The following STX4 variants were observed in gnomAD, a reference collection of about 807,000 sequenced individuals.
The protein encoded by STX4 is syntaxin 4, also known as syntaxin-4.
Under a neutral mutation model 41.8 loss-of-function variants are expected in STX4, and 24 were observed. The ratio of observed to expected loss-of-function variants is 0.57; its 90% confidence interval spans 0.42 to 0.81. STX4 has a LOEUF of 0.81. Among genes scored for constraint, STX4 ranks in the 30% least tolerant of loss-of-function variants. The pLI is 0.00. For missense variants in STX4, 316 were observed against 389.9 expected (o/e 0.81, Z 1.60); for synonymous variants, 158 against 156.4 (o/e 1.01, Z -0.08).
chr16:31,035,097 G>C, intron 5 of STX4, 57 bp downstream of exon 5: 1 of 1,450,918 alleles, frequency 6.9e-7, no homozygotes, highest in Admixed American at 1.9e-5. Flanking sequence ...TGAAGTATTA[G>C]ATGACAGGTG....
In STX4 at chr16:31,034,318, C is replaced by T. The variant is rs752457722; in HGVS notation, c.225C>T (p.Pro75=). The T allele has an allele frequency of 6.2e-7, 1 of 1,614,138 alleles. No homozygotes were observed. The highest frequency in any genetic ancestry group is 8.5e-7 in the Non-Finnish European group (1 of 1,180,022). The part of the protein sequence containing the change: ...QQVTILATPL[P]EESMKQELQN... ...TCACCATCCTGGCCACGCCCCTTCC[C>T]GAGGAGAGTGAGTGAAACCCCGGCT... The change falls in exon 3 of 11, where the codon CCC becomes CCT. Residue 75 remains proline, a synonymous_variant. Coordinates refer to ENST00000313843, the MANE Select transcript of STX4 (RefSeq NM_004604.5).
At chr16:31,037,493 C>G (rs55971816) in intron 5 of STX4, among the ~76,000 whole-genome samples, 2 of 150,268 alleles carry the variant, frequency 1.3e-5, no homozygotes, top group African/African-American at 4.9e-5. Context: ...AACCCCATCT[C>G]TACTAAAAAT....
chr16:31,035,129 G>T, intron 5 of STX4, 89 bp downstream of exon 5: 1 of 1,004,472 alleles, frequency 1.0e-6, no homozygotes, highest in South Asian at 1.9e-5. Flanking sequence ...GGCCTGCAGA[G>T]ATCATGGAGT....
chr16:31,036,475 G>A (rs2056800248), intron 5 of STX4, among the ~76,000 whole-genome samples: 6 of 152,108 alleles, frequency 3.9e-5, no homozygotes, highest in Admixed American at 3.3e-4. Flanking sequence ...TGTAGGCAGC[G>A]AGGTTGGCAT....
chr16:31,037,209 G>A (rs1330902344), intron 5 of STX4, among the ~76,000 whole-genome samples: 1 of 150,508 alleles, frequency 6.6e-6, no homozygotes, highest in African/African-American at 2.4e-5. Flanking sequence ...GACTACAGGC[G>A]CCCACCACTG....
Position 31,034,034 on chromosome 16 carries a change from G to T in STX4, c.52G>T (p.Glu18Ter), listed in dbSNP as rs1253154781. 1.2e-6 allele frequency: 2 copies of T among 1,605,368 alleles called. No individual in the cohort carries two copies. The highest frequency in any genetic ancestry group is 1.1e-5 in the South Asian group (1 of 90,442). Residue 18 changes from glutamate to a stop codon, truncating the protein, a stop_gained, in exon 2 of 11, where the codon GAG becomes TAG. Coordinates refer to ENST00000313843, the MANE Select transcript of STX4 (RefSeq NM_004604.5). LOFTEE classifies it high-confidence loss of function. ...LRQGDDSSDEEDKERVALVVH... is the reference protein window; with the variant it reads ...LRQGDDSSDE The stretch of plus-strand genomic sequence containing the variant: ...GCAGGGGGATGACAGCTCGGACGAA[G>T]AGGACAAGGAGCGGGTCGCGCTGGT...
intron 4 of STX4, 118 bp from the exon 5 acceptor site, chr16:31,034,852 A>G: frequency 1.0e-6 from 1 of 985,628 alleles, no homozygotes; most frequent in East Asian, 2.7e-5. Context: ...TAATGCAAAG[A>G]AAAATAAACT....
chr16:31,033,372 A>T, upstream of STX4: 1 of 966,722 alleles, frequency 1.0e-6, no homozygotes, highest in Non-Finnish European at 1.6e-6. This position sits in a 1 kb window ranked among gnomAD's most constrained non-coding sequence, Gnocchi z 5.5. Flanking sequence ...ACGTATTCCT[A>T]CCCCTTTTGG....
Position 31,039,848 on chromosome 16 carries a change from G to A in STX4, c.*15+30G>A, listed in dbSNP as rs2056830844. Reference sequence around the variant, plus strand: ...GATGTTGTGGGCTGCCCCCTGGCCTGCCCCAGCCCTGGCCCCAGCCCTCCC... The same window carrying A: ...GATGTTGTGGGCTGCCCCCTGGCCTACCCCAGCCCTGGCCCCAGCCCTCCC... On this transcript the variant is annotated intron_variant, in intron 10 of 10. Coordinates refer to ENST00000313843, the MANE Select transcript of STX4 (RefSeq NM_004604.5). The surrounding 1 kb of genome is among the most constrained non-coding windows in gnomAD (Gnocchi z 4.1). The A allele has an allele frequency of 1.2e-6, 2 of 1,607,226 alleles. No individual in the cohort carries two copies. Among genetic ancestry groups the A allele is most frequent in the Non-Finnish European group, 1.7e-6 (2 of 1,174,672 alleles).
Position 31,038,107 on chromosome 16 carries a change from T to G in STX4, c.488-7T>G. Reference sequence around the variant, plus strand: ...CCCAACCCTGAGCCTGGCCTTTTCCTTCACAGCCAATGCTGGGATGGTGTC... The same window carrying G: ...CCCAACCCTGAGCCTGGCCTTTTCCGTCACAGCCAATGCTGGGATGGTGTC... On this transcript the variant is annotated splice_polypyrimidine_tract_variant and splice_region_variant and intron_variant, in intron 6 of 10. Transcript: ENST00000313843. 1 of 1,614,194 alleles carries G rather than the reference T, an allele frequency of 6.2e-7. No homozygotes were observed. Among genetic ancestry groups the G allele is most frequent in the South Asian group, 1.1e-5 (1 of 91,084 alleles).
rs755606689 is a variant in STX4, at chr16:31,039,526, C to T, written c.703-15C>T. ...GGCATCCTTACCTCCCTGAACCACC[C>T]CATCCTCTGAGCAGGGGGAGATGAT... On this transcript the variant is annotated splice_polypyrimidine_tract_variant and intron_variant, in intron 8 of 10. Coordinates refer to ENST00000313843, the MANE Select transcript of STX4 (RefSeq NM_004604.5). The surrounding 1 kb of genome is among the most constrained non-coding windows in gnomAD (Gnocchi z 4.1). The T allele has an allele frequency of 6.2e-7, 1 of 1,613,180 alleles. No homozygotes were observed. The highest frequency in any genetic ancestry group is 8.5e-7 in the Non-Finnish European group (1 of 1,179,658).
chr16:31,039,884 G>C lies in STX4; in HGVS notation c.*16-28G>C. 1 of 1,498,702 alleles carries C rather than the reference G, an allele frequency of 6.7e-7. No individual in the cohort carries two copies. The highest frequency in any genetic ancestry group is 1.4e-5 in the African/African-American group (1 of 72,724). 92.8% of individuals were successfully genotyped at this position (1,498,702 alleles called of 1,614,324 possible). A position where few individuals can be genotyped will look rare whatever the true frequency, so the allele number is the denominator to read the frequency against. On this transcript the variant is annotated intron_variant, in intron 10 of 10. Transcript: ENST00000313843. The surrounding 1 kb of genome is among the most constrained non-coding windows in gnomAD (Gnocchi z 4.1). Reference sequence around the variant, plus strand: ...GGCCCCAGCCCTCCCTCCTCCCTCAGACCCTGTTCTCCCTCCTTTCCTTAC... The same window carrying C: ...GGCCCCAGCCCTCCCTCCTCCCTCACACCCTGTTCTCCCTCCTTTCCTTAC...
chr16:31,038,365 C>G (rs1001374257), intron 7 of STX4, 145 bp from the exon 8 acceptor site: 2 of 1,340,902 alleles, frequency 1.5e-6, no homozygotes, highest in African/African-American at 2.9e-5. Context: ...TTAAGGGCAC[C>G]CTGAGGCCTC....
rs1302250222 is a variant in STX4 at position 31,034,312 on chromosome 16, C to G, written c.219C>G (p.Pro73=). The G allele has an allele frequency of 1.9e-6, 3 of 1,614,160 alleles. No individual in the cohort carries two copies. Among genetic ancestry groups the G allele is most frequent in the Non-Finnish European group, 2.5e-6 (3 of 1,180,020 alleles). ...AGCAGGTCACCATCCTGGCCACGCC[C>G]CTTCCCGAGGAGAGTGAGTGAAACC... ...EKQQVTILAT[P]LPEESMKQEL... The change falls in exon 3 of 11, where the codon CCC becomes CCG. Residue 73 remains proline (P), a synonymous_variant. Coordinates refer to ENST00000313843, the MANE Select transcript of STX4 (RefSeq NM_004604.5).
chr16:31,033,436 C>A (rs1161874892), upstream of STX4: 1 of 1,515,182 alleles, frequency 6.6e-7, no homozygotes, highest in Non-Finnish European at 9.0e-7. This position sits in a 1 kb window ranked among gnomAD's most constrained non-coding sequence, Gnocchi z 5.5. Flanking sequence ...AGCAAGTTCT[C>A]GCGTCCAGGC....
rs766650870 is a variant in STX4 at position 31,038,003 on chromosome 16, C to T, written c.456C>T (p.Asn152=). 5.0e-6 allele frequency: 8 copies of T among 1,614,182 alleles called. No individual in the cohort carries two copies. The highest frequency in any genetic ancestry group is 1.3e-5 in the African/African-American group (1 of 75,044). The change falls in exon 6 of 11, where the codon AAC becomes AAT. Residue 152 remains asparagine (N), a synonymous_variant. Transcript: ENST00000313843. The part of the protein sequence containing the change: ...NSMQSEYREK[N]VERIRRQLKI... ...TGCAGTCCGAATACCGGGAGAAGAA[C>T]GTGGAGCGGATTCGGAGGCAGCTGA... is the stretch of plus-strand genomic sequence containing the variant.
Position 31,038,032 on chromosome 16 carries a change from T to G in STX4, c.485T>G (p.Ile162Ser). 1.2e-6 allele frequency: 2 copies of G among 1,614,156 alleles called. No individual in the cohort carries two copies. The highest frequency in any genetic ancestry group is 1.7e-6 in the Non-Finnish European group (2 of 1,180,026). ...GAGCGGATTCGGAGGCAGCTGAAGA[T>G]CAGTGAGTTGTGCATGCCCAGCCTG... ...NVERIRRQLK[I>S]TNAGMVSDEE... The change falls in exon 6 of 11, where the codon ATC (isoleucine) becomes AGC (serine). Residue 162 changes from isoleucine (I) to serine (S), a missense_variant and splice_region_variant. Coordinates refer to ENST00000313843, the MANE Select transcript of STX4 (RefSeq NM_004604.5).
chr16:31,033,775 C>T lies in STX4; in HGVS notation c.-31C>T, dbSNP rs2056774829. On this transcript the variant is annotated 5_prime_UTR_variant, in exon 1 of 11. Coordinates refer to ENST00000313843, the MANE Select transcript of STX4 (RefSeq NM_004604.5). The surrounding 1 kb of genome is among the most constrained non-coding windows in gnomAD (Gnocchi z 5.5). ...TTCCAAATTTGAGGGCCTCCCGGCT[C>T]TGGCGCCGGGGAGGGAGAGCTCAGG... 8.3e-6 allele frequency: 12 copies of T among 1,449,522 alleles called. No individual in the cohort carries two copies. Among genetic ancestry groups the T allele is most frequent in the Non-Finnish European group, 1.1e-5 (12 of 1,098,854 alleles). The allele number at this position is 1,449,522 out of a possible 1,614,324, so 89.8% of individuals were successfully genotyped here. A position where few individuals can be genotyped will look rare whatever the true frequency, so the allele number is the denominator to read the frequency against.
chr16:31,039,177 G>T lies in STX4; in HGVS notation c.703-364G>T. On this transcript the variant is annotated intron_variant, in intron 8 of 10. Transcript: ENST00000313843. The surrounding 1 kb of genome is among the most constrained non-coding windows in gnomAD (Gnocchi z 4.1). ...AGACCTGAGGCTGGTGGTGCCAGGAGGAGGCAGGGATAGGGAGGGCTTTGC... is the reference window on the plus strand; with the variant it reads ...AGACCTGAGGCTGGTGGTGCCAGGATGAGGCAGGGATAGGGAGGGCTTTGC... The T allele has an allele frequency of 3.7e-6, 1 of 266,680 alleles. No homozygotes were observed. Among genetic ancestry groups the T allele is most frequent in the South Asian group, 4.7e-5 (1 of 21,242 alleles). 16.5% of individuals were successfully genotyped at this position (266,680 alleles called of 1,614,324 possible).
Sources: allele counts gnomAD v4.1 joint callset (sites outside exome capture counted in the v4.1 genomes callset), GRCh38; gene constraint gnomAD v4.1.1; non-coding constraint Gnocchi (gnomAD v3.1); transcripts MANE v1.5; gene names NCBI Gene and HGNC (gene_info 2026-07-23, HGNC 2026-07-21).